Variants in LNPK observed in about 807,000 individuals in gnomAD.
LNPK encodes the protein lunapark, ER junction formation factor, also known as endoplasmic reticulum junction formation protein lunapark.
In LNPK, 29 loss-of-function variants were observed where a neutral mutation model predicts 55.2. The ratio of observed to expected loss-of-function variants is 0.53; its 90% confidence interval spans 0.39 to 0.72. LNPK has a LOEUF of 0.72. LNPK is among the 30% of genes least tolerant of loss of function. LNPK has a pLI of 0.00. For missense variants in LNPK, 467 were observed against 494.8 expected (o/e 0.94, Z 0.53); for synonymous variants, 162 against 168.2 (o/e 0.96, Z 0.29).
chr2:175,934,003 C>G (rs912836743), intron 12 of LNPK, among the ~76,000 whole-genome samples: 3 of 152,192 alleles, frequency 2.0e-5, no homozygotes, highest in African/African-American at 7.2e-5. Flanking sequence ...GCTGGGATTA[C>G]AGGCGTGAGC....
chr2:175,932,456 T>C (rs1319807535), intron 12 of LNPK, among the ~76,000 whole-genome samples: 1 of 152,186 alleles, frequency 6.6e-6, no homozygotes, highest in Non-Finnish European at 1.5e-5. Context: ...ATTGGTGAAA[T>C]GGGTGGAAAT....
chr2:175,941,383 A>T (rs1684835102), intron 9 of LNPK, among the ~76,000 whole-genome samples: 1 of 151,870 alleles, frequency 6.6e-6, no homozygotes, highest in South Asian at 2.1e-4. Context: ...ATATTTTCCA[A>T]ATTTGATTAA....
chr2:175,997,944 G>A lies in LNPK; in HGVS notation c.-62-2298C>T, dbSNP rs868631568. Among the ~76,000 whole-genome samples, 12 of 149,472 alleles carry A rather than the reference G, an allele frequency of 8.0e-5. No individual in the cohort carries two copies. The South Asian group carries it at 1.5e-3, about 18-fold the overall frequency. ...TTGGTAGAGACAGGAATTTCACCTCGTTTGCCAGGTTGGTCTCGAACTCCT... is the reference window on the plus strand; with the variant it reads ...TTGGTAGAGACAGGAATTTCACCTCATTTGCCAGGTTGGTCTCGAACTCCT... On this transcript the variant is annotated intron_variant, in intron 1 of 12. Coordinates refer to ENST00000272748, the MANE Select transcript of LNPK (RefSeq NM_030650.3).
chr2:175,990,006 T>A (rs900718290), intron 4 of LNPK, among the ~76,000 whole-genome samples: 65 of 152,220 alleles, frequency 4.3e-4, no homozygotes, highest in African/African-American at 1.5e-3. Flanking sequence ...AGATACCAGG[T>A]AGATTTCTAA....
Position 175,924,907 on chromosome 2 carries a change from A to G in LNPK, c.*5060T>C, listed in dbSNP as rs1200589972. ...GGATACCAGGCTCTTTTAAACAATCAGCTTCCAGGGGAGGAAAAATAGAGC... is the reference window on the plus strand; with the variant it reads ...GGATACCAGGCTCTTTTAAACAATCGGCTTCCAGGGGAGGAAAAATAGAGC... On this transcript the variant is annotated 3_prime_UTR_variant, in exon 13 of 13. Transcript: ENST00000272748. The G allele has an allele frequency of 6.6e-6, 1 of 152,228 alleles. No individual in the cohort carries two copies. The highest frequency in any genetic ancestry group is 1.5e-5 in the Non-Finnish European group (1 of 68,134). 9.4% of individuals were successfully genotyped at this position (152,228 alleles called of 1,614,324 possible). A position where few individuals can be genotyped will look rare whatever the true frequency, so the allele number is the denominator to read the frequency against.
chr2:175,976,446 T>C (rs369833742), intron 5 of LNPK, among the ~76,000 whole-genome samples: 6 of 152,338 alleles, frequency 3.9e-5, no homozygotes, highest in Middle Eastern at 3.4e-3. Flanking sequence ...TAATCGTATA[T>C]GTCAACTTGA....
intron 2 of LNPK, chr2:175,994,004 C>T: frequency 5.4e-6 from 1 of 185,754 alleles, no homozygotes; most frequent in Non-Finnish European, 1.0e-5. Flanking sequence ...GTACTTTTTG[C>T]AGATCAGATT....
intron 8 of LNPK, among the ~76,000 whole-genome samples, chr2:175,963,346 A>C (rs943868801): frequency 6.6e-6 from 1 of 152,184 alleles, no homozygotes; most frequent in African/African-American, 2.4e-5. Context: ...AAAATGTGGC[A>C]CATATACACC....
At chr2:175,933,130 C>T (rs754513119) in intron 12 of LNPK, among the ~76,000 whole-genome samples, 10 of 152,084 alleles carry the variant, frequency 6.6e-5, no homozygotes, top group Non-Finnish European at 1.3e-4. Flanking sequence ...TGCCATCACC[C>T]CACCCCAACC....
At chr2:175,989,010 C>A (rs143319135) in intron 4 of LNPK, among the ~76,000 whole-genome samples, 1 of 152,170 alleles carries the variant, frequency 6.6e-6, no homozygotes, top group African/African-American at 2.4e-5. Context: ...CTCCTGATCT[C>A]GTGATCCGCC....
intron 6 of LNPK, among the ~76,000 whole-genome samples, chr2:175,967,252 C>CT (rs1481816050): frequency 6.6e-6 from 1 of 151,826 alleles, no homozygotes; most frequent in African/African-American, 2.4e-5. Flanking sequence ...GTTTTAGGGG[C>CT]TTTTTTATTT....
intron 1 of LNPK, among the ~76,000 whole-genome samples, chr2:176,000,370 A>G (rs1363522501): frequency 6.6e-6 from 1 of 152,226 alleles, no homozygotes; most frequent in Non-Finnish European, 1.5e-5. Context: ...AAATTAAATG[A>G]AATTATGTAT....
intron 4 of LNPK, among the ~76,000 whole-genome samples, chr2:175,986,086 AT>A (rs1490144037): frequency 1.3e-5 from 2 of 152,232 alleles, no homozygotes; most frequent in Non-Finnish European, 2.9e-5. Flanking sequence ...AAGCATCAAC[AT>A]TTGTAAAGCA....
chr2:175,960,576 T>C lies in LNPK; in HGVS notation c.493+3796A>G, dbSNP rs553128538. ...TTTAAAGCAGCGTGTAGAGGGAAAT[T>C]TATAGCACTAAATGCCCACAAGAGA... is the stretch of plus-strand genomic sequence containing the variant. On this transcript the variant is annotated intron_variant, in intron 8 of 12. Transcript: ENST00000272748. Among the ~76,000 whole-genome samples, 3 of 152,096 alleles carry C rather than the reference T, an allele frequency of 2.0e-5. No homozygotes were observed. The South Asian group carries it at 6.2e-4, about 32-fold the overall frequency.
chr2:175,953,412 G>C (rs796923450), intron 8 of LNPK, among the ~76,000 whole-genome samples: 2 of 151,952 alleles, frequency 1.3e-5, no homozygotes, highest in South Asian at 2.1e-4. Flanking sequence ...TCAGCATCTT[G>C]CTATAACTCC....
At chr2:175,962,193 G>GA (rs1317495314) in intron 8 of LNPK, among the ~76,000 whole-genome samples, 28 of 152,230 alleles carry the variant, frequency 1.8e-4, no homozygotes, top group African/African-American at 5.5e-4. Context: ...CGCAGAATTG[G>GA]AAAAAACTAT....
rs139257549 is a variant in LNPK at position 175,947,419 on chromosome 2, G to A, written c.706+61C>T. 499 of 1,438,804 alleles carry A rather than the reference G, an allele frequency of 3.5e-4. 1 individual carries two copies. The African/African-American group carries it at 5.8e-3, about 17-fold the overall frequency. 89.1% of individuals were successfully genotyped at this position (1,438,804 alleles called of 1,614,324 possible). A position where few individuals can be genotyped will look rare whatever the true frequency, so the allele number is the denominator to read the frequency against. ...TTTCCATACCACCTGAAAATGGCCC[G>A]TTTTATTGGTAACCAGAGAAAACAA... On this transcript the variant is annotated intron_variant, in intron 9 of 12. Transcript: ENST00000272748.
chr2:175,981,144 C>G (rs569353650), intron 4 of LNPK, among the ~76,000 whole-genome samples: 1 of 152,128 alleles, frequency 6.6e-6, no homozygotes, highest in South Asian at 2.1e-4. Flanking sequence ...CCTCTCTCAC[C>G]AGTGTTGGTC....
At chr2:175,986,816 A>G (rs1352648147) in intron 4 of LNPK, among the ~76,000 whole-genome samples, 1 of 152,166 alleles carries the variant, frequency 6.6e-6, no homozygotes, top group African/African-American at 2.4e-5. Flanking sequence ...GTCTCAATCC[A>G]AAAGTCAGAA....
Sources: gnomAD v4.1 joint callset for allele counts (sites outside exome capture counted in the v4.1 genomes callset) on GRCh38, gnomAD v4.1.1 for gene constraint, MANE v1.5 for transcripts, NCBI Gene and HGNC (gene_info 2026-07-23, HGNC 2026-07-21) for gene names.